The following NFYC variants were observed in gnomAD, a reference collection of about 807,000 sequenced individuals.
The protein encoded by NFYC is nuclear transcription factor Y subunit gamma.
In NFYC, 25 loss-of-function variants were observed where a neutral mutation model predicts 53.1. The observed-to-expected ratio is 0.47, with a 90% CI of 0.34 to 0.66. NFYC has a LOEUF of 0.66. Among genes scored for constraint, NFYC ranks in the 30% least tolerant of loss-of-function variants. NFYC has a pLI of 0.01. For missense variants in NFYC, 260 were observed against 422.7 expected (o/e 0.62, Z 3.38); for synonymous variants, 145 against 152.6 (o/e 0.95, Z 0.37).
intron 4 of NFYC, among the ~76,000 whole-genome samples, chr1:40,750,959 GGTCA>G (rs1456676660): frequency 3.3e-5 from 5 of 152,166 alleles, no homozygotes; most frequent in African/African-American, 1.2e-4. Flanking sequence ...AATCTAAAGT[GGTCA>G]GTCAGTTTGA....
intron 6 of NFYC, among the ~76,000 whole-genome samples, chr1:40,762,352 G>A (rs1006258707): frequency 1.3e-5 from 2 of 152,304 alleles, no homozygotes; most frequent in African/African-American, 2.4e-5. Context: ...CAGCTTGAAT[G>A]GGGTGAGAGC....
rs1645798862 is a variant in NFYC at position 40,749,571 on chromosome 1, A to G, written c.178-2A>G. ...GACAGGGAGGGCCTGTGTCTGTTACAGATGATCAGTGCAGAAGCGCCTGTA... is the reference window on the plus strand; with the variant it reads ...GACAGGGAGGGCCTGTGTCTGTTACGGATGATCAGTGCAGAAGCGCCTGTA... On this transcript the variant is annotated splice_acceptor_variant, in intron 3 of 9. Coordinates refer to ENST00000447388, the MANE Select transcript of NFYC (RefSeq NM_014223.5). LOFTEE classifies it high-confidence loss of function. The G allele has an allele frequency of 6.2e-7, 1 of 1,612,514 alleles. No individual in the cohort carries two copies. The highest frequency in any genetic ancestry group is 2.2e-5 in the East Asian group (1 of 44,878).
chr1:40,735,463 A>T, intron 1 of NFYC: 1 of 315,822 alleles, frequency 3.2e-6, no homozygotes, highest in Non-Finnish European at 4.6e-6. Context: ...GCACATCTGT[A>T]GTTGGGACAG....
intron 1 of NFYC, among the ~76,000 whole-genome samples, chr1:40,733,291 C>T (rs553045303): frequency 1.3e-5 from 2 of 151,588 alleles, no homozygotes; most frequent in Admixed American, 1.3e-4. Flanking sequence ...TTAATGCTCC[C>T]AAGGGAGGGA....
chr1:40,711,637 C>A (rs1643931476), intron 1 of NFYC, among the ~76,000 whole-genome samples: 1 of 152,166 alleles, frequency 6.6e-6, no homozygotes, highest in Non-Finnish European at 1.5e-5. Context: ...CTGTACAAAA[C>A]CTTTGATGAC....
At chr1:40,717,190 C>T (rs570028218) in intron 1 of NFYC, among the ~76,000 whole-genome samples, 1 of 152,234 alleles carries the variant, frequency 6.6e-6, no homozygotes, top group East Asian at 1.9e-4. Flanking sequence ...AAGACTAGTG[C>T]TACATGTCAA....
chr1:40,766,659 G>A lies in NFYC; in HGVS notation c.784G>A (p.Val262Ile). Reference protein sequence around the residue: ...RLAQPVSGTQVVQGQIQTLAT... With the variant: ...RLAQPVSGTQIVQGQIQTLAT... Reference sequence around the variant, plus strand: ...AGCCCAGCCTGTATCAGGCACTCAAGTTGTGCAGGGACAGATCCAGACACT... The same window carrying A: ...AGCCCAGCCTGTATCAGGCACTCAAATTGTGCAGGGACAGATCCAGACACT... Residue 262 changes from valine (V) to isoleucine (I), a missense_variant, in exon 8 of 10, where the codon GTT (valine) becomes ATT (isoleucine). Physicochemically the swap from Val to Ile is conservative, Grantham distance 29 (BLOSUM62 3). Coordinates refer to ENST00000447388, the MANE Select transcript of NFYC (RefSeq NM_014223.5). 6.2e-7 allele frequency: 1 copy of A among 1,614,154 alleles called. No individual in the cohort carries two copies. The highest frequency in any genetic ancestry group is 8.5e-7 in the Non-Finnish European group (1 of 1,180,024).
At chr1:40,700,717 T>C (rs1412583542) in intron 1 of NFYC, among the ~76,000 whole-genome samples, 2 of 152,212 alleles carry the variant, frequency 1.3e-5, no homozygotes, top group Admixed American at 6.5e-5. Flanking sequence ...AAAAAATTTG[T>C]TTTATTTTTT....
chr1:40,699,119 G>A (rs1167024512), intron 1 of NFYC, among the ~76,000 whole-genome samples: 3 of 151,964 alleles, frequency 2.0e-5, no homozygotes, highest in Non-Finnish European at 2.9e-5. Context: ...AGCCGAGATC[G>A]CGCCTCTATT....
chr1:40,756,763 A>T (rs928279394), intron 5 of NFYC, among the ~76,000 whole-genome samples: 5 of 152,188 alleles, frequency 3.3e-5, no homozygotes, highest in African/African-American at 1.2e-4. Flanking sequence ...CCTGCCTCTA[A>T]CTGTCTGCCT....
intron 1 of NFYC, among the ~76,000 whole-genome samples, chr1:40,705,496 C>T (rs1209665867): frequency 6.6e-6 from 1 of 152,154 alleles, no homozygotes; most frequent in African/African-American, 2.4e-5. Flanking sequence ...TTAACATAAC[C>T]AAACTCTTTA....
intron 1 of NFYC, among the ~76,000 whole-genome samples, chr1:40,731,376 T>C (rs1051944255): frequency 7.9e-5 from 12 of 152,006 alleles, no homozygotes; most frequent in African/African-American, 2.9e-4. Flanking sequence ...GGTTTTACCA[T>C]GTTGGCCAGG....
rs754920251 is a variant in NFYC at position 40,758,202 on chromosome 1, G to A, written c.469G>A (p.Val157Ile). The A allele has an allele frequency of 6.8e-6, 11 of 1,612,990 alleles. No homozygotes were observed. The Admixed American group carries it at 1.8e-4, about 27-fold the overall frequency. Residue 157 changes from valine to isoleucine, a missense_variant, in exon 6 of 10, where the codon GTC becomes ATC. Transcript: ENST00000447388. The stretch of plus-strand genomic sequence containing the variant: ...GGCTCAGCAACCCACCGCTGTCCAA[G>A]TCCAGGGCCAGCAGCAAGGCCAGCA... ...TLAQQPTAVQ[V>I]QGQQQGQQTT...
chr1:40,693,872 C>G (rs1642979948), intron 1 of NFYC, among the ~76,000 whole-genome samples: 1 of 152,194 alleles, frequency 6.6e-6, no homozygotes, highest in East Asian at 1.9e-4. Context: ...TTAAGAATTT[C>G]TTGTGCTGCT....
chr1:40,734,340 CTTTATTTATTTA>C lies in NFYC; in HGVS notation c.-8-4468_-8-4457del, dbSNP rs34100786. Reference sequence around the variant, plus strand: ...AATAAGAGGTGATTAACTACGGTTGCTTTATTTATTTATTTATTTATTTATTTATTTATTTAT... The same window carrying C: ...AATAAGAGGTGATTAACTACGGTTGCTTTATTTATTTATTTATTTATTTAT... On this transcript the variant is annotated intron_variant, in intron 1 of 9. Transcript: ENST00000447388. Among the ~76,000 whole-genome samples, 253 of 146,662 alleles carry C rather than the reference CTTTATTTATTTA, an allele frequency of 1.7e-3. 2 individuals are homozygous for C. Among genetic ancestry groups the C allele is most frequent in the East Asian group, 0.011 (57 of 4,988 alleles).
chr1:40,723,586 C>T (rs1161997857), intron 1 of NFYC: 1 of 152,162 alleles, frequency 6.6e-6, no homozygotes, highest in Non-Finnish European at 1.5e-5. Flanking sequence ...TCAGTTTCCC[C>T]ATCAGTAAAT....
chr1:40,729,968 G>A (rs924395731), intron 1 of NFYC, among the ~76,000 whole-genome samples: 5 of 151,718 alleles, frequency 3.3e-5, no homozygotes, highest in Non-Finnish European at 7.4e-5. Context: ...GAGCCACCGC[G>A]CCCAGCCCCA....
chr1:40,725,401 C>A (rs1334008236), intron 1 of NFYC, among the ~76,000 whole-genome samples: 1 of 152,202 alleles, frequency 6.6e-6, no homozygotes, highest in Non-Finnish European at 1.5e-5. Flanking sequence ...AGGCAGCAAG[C>A]GTCCAGTACA....
In NFYC at chr1:40,762,892, C is replaced by T. The variant is rs1464271576; in HGVS notation, c.566C>T (p.Thr189Ile). 1 of 1,599,798 alleles carries T rather than the reference C, an allele frequency of 6.3e-7. No individual in the cohort carries two copies. The highest frequency in any genetic ancestry group is 1.1e-5 in the South Asian group (1 of 89,346). The part of the protein sequence containing the change: ...IIAQPQQGQT[T>I]PVTMQVGEGQ... ...TCTCATAACTCTTCCTTTCAGACCA[C>T]ACCTGTGACAATGCAGGTTGGAGAA... Residue 189 changes from threonine to isoleucine, a missense_variant, in exon 7 of 10, where the codon ACA (threonine) becomes ATA (isoleucine). Physicochemically the swap from Thr to Ile is moderately conservative, Grantham distance 89 (BLOSUM62 -1). Coordinates refer to ENST00000447388, the MANE Select transcript of NFYC (RefSeq NM_014223.5).
Sources: allele counts gnomAD v4.1 joint callset (sites outside exome capture counted in the v4.1 genomes callset), GRCh38; gene constraint gnomAD v4.1.1; transcripts MANE v1.5; gene names NCBI Gene and HGNC (gene_info 2026-07-23, HGNC 2026-07-21).